The following MORC3 variants were observed in gnomAD, a reference collection of about 807,000 sequenced individuals.
MORC3 encodes MORC family CW-type zinc finger 3, also known as MORC family CW-type zinc finger protein 3.
In MORC3, 31 loss-of-function variants were observed where a neutral mutation model predicts 109.1. The observed-to-expected ratio is 0.28, with a 90% CI of 0.21 to 0.38. The LOEUF is 0.38. Among genes scored for constraint, MORC3 ranks in the 10% least tolerant of loss-of-function variants. MORC3 has a pLI of 1.00. For missense variants in MORC3, 867 were observed against 1,135.8 expected, an observed-to-expected ratio of 0.76 and a Z score of 3.40; for synonymous variants, 395 against 380.7, an observed-to-expected ratio of 1.04 and a Z score of -0.44.
chr21:36,351,587 T>C (rs183134898), intron 9 of MORC3, among the ~76,000 whole-genome samples: 37 of 152,330 alleles, frequency 2.4e-4, no homozygotes, highest in African/African-American at 7.9e-4. Flanking sequence ...GGTATATCCA[T>C]TTATATCCAT....
At chr21:36,339,557 G>GAGGATAA (rs974721863) in intron 5 of MORC3, 1 of 151,022 alleles carries the variant, frequency 6.6e-6, no homozygotes, top group African/African-American at 2.4e-5. Context: ...ACAAATTCAG[G>GAGGATAA]AGGATAAATC....
chr21:36,345,288 C>G (rs2085495454), intron 8 of MORC3, among the ~76,000 whole-genome samples: 2 of 151,760 alleles, frequency 1.3e-5, no homozygotes, highest in African/African-American at 4.8e-5. Context: ...GAGTCTTGCC[C>G]AGGCTTCAGT....
intron 9 of MORC3, among the ~76,000 whole-genome samples, chr21:36,355,990 G>A (rs1392612052): frequency 6.6e-6 from 1 of 152,060 alleles, no homozygotes; most frequent in African/African-American, 2.4e-5. Flanking sequence ...TGCACTAAAC[G>A]ATTTTTACTG....
intron 9 of MORC3, among the ~76,000 whole-genome samples, chr21:36,355,224 A>G (rs2085632478): frequency 6.6e-6 from 1 of 152,136 alleles, no homozygotes. Flanking sequence ...AATTAGAGAC[A>G]TTGTGTTTCG....
At chr21:36,367,782 T>TACGG (rs1199786740) in intron 14 of MORC3, among the ~76,000 whole-genome samples, 2 of 152,216 alleles carry the variant, frequency 1.3e-5, no homozygotes, top group African/African-American at 4.8e-5. Context: ...ACAGATTATG[T>TACGG]ACGGGCAAGA....
At chr21:36,370,633 A>ATTTTTT in intron 15 of MORC3, among the ~76,000 whole-genome samples, 1 of 46,486 alleles carries the variant, frequency 2.2e-5, no homozygotes. Context: ...ATATATATAT[A>ATTTTTT]TATATATTTT....
intron 2 of MORC3, among the ~76,000 whole-genome samples, chr21:36,335,636 T>A (rs1304591769): frequency 6.6e-6 from 1 of 152,154 alleles, no homozygotes; most frequent in African/African-American, 2.4e-5. Flanking sequence ...TTTTTAAACG[T>A]ATTTCTTCCT....
At chr21:36,336,745 C>T in intron 2 of MORC3, 129 bp from the exon 3 acceptor site, 1 of 826,238 alleles carries the variant, frequency 1.2e-6, no homozygotes, top group Non-Finnish European at 1.7e-6. Context: ...AATTTTAAAG[C>T]TGCTAAAAAT....
At chr21:36,345,398 A>G (rs565856962) in intron 8 of MORC3, among the ~76,000 whole-genome samples, 2 of 150,242 alleles carry the variant, frequency 1.3e-5, no homozygotes, top group Non-Finnish European at 3.0e-5. Context: ...CTACAGGTGC[A>G]TGCCACCACG....
chr21:36,373,606 A>T (rs2085895825), intron 16 of MORC3, among the ~76,000 whole-genome samples: 1 of 152,090 alleles, frequency 6.6e-6, no homozygotes, highest in Non-Finnish European at 1.5e-5. Context: ...CTTGGCAACA[A>T]GAGCAAAACT....
intron 2 of MORC3, 62 bp downstream of exon 2, chr21:36,333,780 TTTTGTTTTG>T: frequency 1.1e-5 from 14 of 1,318,462 alleles, no homozygotes; most frequent in Admixed American, 6.6e-5. Flanking sequence ...TTTTTTTTTG[TTTTGTTTTG>T]TTTTTTTTTT....
At chr21:36,367,994 G>T (rs890386751) in intron 14 of MORC3, among the ~76,000 whole-genome samples, 2 of 152,180 alleles carry the variant, frequency 1.3e-5, no homozygotes, top group Non-Finnish European at 2.9e-5. Context: ...TTAAGATGCT[G>T]TTGCAGGCTG....
intron 2 of MORC3, among the ~76,000 whole-genome samples, chr21:36,334,364 G>A (rs1464757699): frequency 6.6e-6 from 1 of 152,156 alleles, no homozygotes; most frequent in East Asian, 1.9e-4. Flanking sequence ...TACTACCCAA[G>A]TATTTCATAG....
rs748842247 is a variant in MORC3 at position 36,344,726 on chromosome 21, C to T, written c.885+19C>T. 1.0e-4 allele frequency: 161 copies of T among 1,611,924 alleles called. No homozygotes were observed. The highest frequency in any genetic ancestry group is 1.3e-4 in the Non-Finnish European group (156 of 1,178,954). Reference sequence around the variant, plus strand: ...ATTTTTAGTATCCTTTTTCTGATTCCTTATAGAGATATGTTAGTCAGGTGT... The same window carrying T: ...ATTTTTAGTATCCTTTTTCTGATTCTTTATAGAGATATGTTAGTCAGGTGT... On this transcript the variant is annotated intron_variant, in intron 7 of 16. Transcript: ENST00000400485.
intron 3 of MORC3, 43 bp downstream of exon 3, chr21:36,337,049 C>A (rs757733936): frequency 6.3e-7 from 1 of 1,591,206 alleles, no homozygotes; most frequent in Non-Finnish European, 8.6e-7. Flanking sequence ...GTTGCTTTTA[C>A]CTAAAGGGTT....
At chr21:36,374,616 C>T (rs1434303128) in intron 16 of MORC3, among the ~76,000 whole-genome samples, 3 of 152,060 alleles carry the variant, frequency 2.0e-5, no homozygotes, top group Non-Finnish European at 4.4e-5. Flanking sequence ...TATAGTGAAA[C>T]CCCATTGCTA....
chr21:36,333,446 G>A (rs1221082114), intron 1 of MORC3, 200 bp from the exon 2 acceptor site: 5 of 579,568 alleles, frequency 8.6e-6, no homozygotes, highest in African/African-American at 7.5e-5. Flanking sequence ...GTCTTGGTGA[G>A]TAAGCTGTTT....
chr21:36,348,467 G>A (rs140508172), intron 8 of MORC3, among the ~76,000 whole-genome samples: 1 of 152,186 alleles, frequency 6.6e-6, no homozygotes, highest in Non-Finnish European at 1.5e-5. Context: ...GAGTGCAATG[G>A]CACGATCTCA....
chr21:36,327,462 A>G lies in MORC3; in HGVS notation c.40-6184A>G, dbSNP rs1192640769. Among the ~76,000 whole-genome samples the G allele has an allele frequency of 2.7e-5, 4 of 150,778 alleles. 1 individual carries two copies. The highest frequency in any genetic ancestry group is 9.9e-5 in the African/African-American group (4 of 40,328). ...CCACCGTGCTTGGCCTTTATTTCCT[A>G]TTCTGGAATTGGGCAACACTTCTTC... On this transcript the variant is annotated intron_variant, in intron 1 of 16. Transcript: ENST00000400485.
Sources: gnomAD v4.1 joint callset for allele counts (sites outside exome capture counted in the v4.1 genomes callset) on GRCh38, gnomAD v4.1.1 for gene constraint, MANE v1.5 for transcripts, NCBI Gene and HGNC (gene_info 2026-07-23, HGNC 2026-07-21) for gene names.